CCDC178: variants seen among roughly 807,000 people sequenced by gnomAD.
The protein encoded by CCDC178 is coiled-coil domain-containing protein 178.
CCDC178 carries 126 observed loss-of-function variants against 117.4 expected under a neutral mutation model. The ratio of observed to expected loss-of-function variants is 1.07; its 90% CI spans 0.93 to 1.24. The LOEUF (loss-of-function observed/expected upper bound fraction) is 1.24. CCDC178 is among the 50% of genes most tolerant of loss of function. The pLI is 0.00. For missense variants in CCDC178, 1,030 were observed against 986.9 expected (o/e 1.04, Z -0.59); for synonymous variants, 283 against 313.4 (o/e 0.90, Z 1.02).
chr18:33,250,809 T>A (rs968936280), intron 14 of CCDC178, among the ~76,000 whole-genome samples: 1 of 151,520 alleles, frequency 6.6e-6, no homozygotes, highest in South Asian at 2.1e-4. Context: ...AAAGTCTTAC[T>A]TAGTACTAAA....
intron 21 of CCDC178, among the ~76,000 whole-genome samples, chr18:33,040,614 C>T (rs551279315): frequency 2.0e-4 from 31 of 151,922 alleles, no homozygotes; most frequent in African/African-American, 7.5e-4. Context: ...ATTTTCTGGG[C>T]TAAAACTCCA....
chr18:33,412,937 T>C (rs1350129300), intron 2 of CCDC178, among the ~76,000 whole-genome samples: 2 of 152,144 alleles, frequency 1.3e-5, no homozygotes, highest in Non-Finnish European at 2.9e-5. Context: ...TAAGTAAATA[T>C]CAAATATTTT....
intron 21 of CCDC178, among the ~76,000 whole-genome samples, chr18:32,997,693 A>T (rs1401758833): frequency 6.6e-6 from 1 of 152,092 alleles, no homozygotes; most frequent in Non-Finnish European, 1.5e-5. Flanking sequence ...CATATTATAT[A>T]TTATCTATCT....
At chr18:33,222,764 A>AT (rs1017089833) in intron 18 of CCDC178, among the ~76,000 whole-genome samples, 51 of 143,946 alleles carry the variant, frequency 3.5e-4, no homozygotes, top group Middle Eastern at 3.5e-3. Context: ...CTTCTTCTTC[A>AT]TTTTTTTTTG....
At chr18:32,958,798 G>T (rs1257242988) in intron 22 of CCDC178, among the ~76,000 whole-genome samples, 1 of 152,106 alleles carries the variant, frequency 6.6e-6, no homozygotes, top group Non-Finnish European at 1.5e-5. Context: ...TTTGGTTAAG[G>T]GTTGATTTAT....
At chr18:33,389,494 AATATAGTTT>A (rs762610247) in intron 5 of CCDC178, 37 bp downstream of exon 5, 4 of 885,130 alleles carry the variant, frequency 4.5e-6, no homozygotes, top group Non-Finnish European at 6.5e-6. Flanking sequence ...AGATAATATA[AATATAGTTT>A]ATATAGTTTA....
At chr18:33,361,002 T>C (rs1255255671) in intron 6 of CCDC178, among the ~76,000 whole-genome samples, 3 of 151,314 alleles carry the variant, frequency 2.0e-5, no homozygotes, top group Non-Finnish European at 4.4e-5. Context: ...ATAAAATTAA[T>C]ATAGAGCCAT....
At chr18:33,280,653 C>T (rs1430557400) in intron 12 of CCDC178, among the ~76,000 whole-genome samples, 240 of 152,138 alleles carry the variant, frequency 1.6e-3, no homozygotes, top group African/African-American at 5.4e-3. Context: ...CACATGCACA[C>T]GTATGTTTAT....
chr18:33,173,157 C>T (rs1332507880), intron 20 of CCDC178, among the ~76,000 whole-genome samples: 3 of 152,200 alleles, frequency 2.0e-5, no homozygotes, highest in Middle Eastern at 6.8e-3. Context: ...TGAAGTAATC[C>T]TCCCACCTCA....
At chr18:32,957,960 A>G (rs1036720609) in intron 22 of CCDC178, 2 of 253,810 alleles carry the variant, frequency 7.9e-6, no homozygotes, top group Non-Finnish European at 7.4e-6. Context: ...TGATAAATGA[A>G]GTACCTCTTT....
At chr18:33,219,239 C>G (rs7505090) in intron 18 of CCDC178, among the ~76,000 whole-genome samples, 2,619 of 152,176 alleles carry the variant, frequency 0.017, 35 homozygotes, top group South Asian at 0.065. Flanking sequence ...CCATCTCACA[C>G]CAGTTAGAAT....
chr18:33,207,582 G>A (rs1599000818), intron 20 of CCDC178, among the ~76,000 whole-genome samples: 1 of 150,720 alleles, frequency 6.6e-6, no homozygotes, highest in East Asian at 2.0e-4. Context: ...TGTTCATTGG[G>A]TATTAGCACA....
chr18:33,042,464 T>A (rs1278598021), intron 21 of CCDC178, among the ~76,000 whole-genome samples: 1 of 151,906 alleles, frequency 6.6e-6, no homozygotes, highest in Admixed American at 6.6e-5. Context: ...AGTCAATGTA[T>A]GTACATATGT....
At chr18:33,248,888 G>T (rs4799681) in intron 14 of CCDC178, among the ~76,000 whole-genome samples, 126,321 of 150,952 alleles carry the variant, frequency 0.84, 53,449 homozygotes, top group South Asian at 0.92. Flanking sequence ...CACCAACAGT[G>T]TAAAAGTGTT....
intron 20 of CCDC178, among the ~76,000 whole-genome samples, chr18:33,119,463 T>C (rs1306698707): frequency 6.6e-6 from 1 of 152,056 alleles, no homozygotes; most frequent in Non-Finnish European, 1.5e-5. Context: ...ATCAGAGAAA[T>C]GCAAATCAAA....
chr18:33,437,590 A>T (rs6507029), intron 2 of CCDC178: 122,934 of 152,126 alleles, frequency 0.81, 49,888 homozygotes, highest in East Asian at 1. Context: ...GGAGGCCAGA[A>T]GGTAATGTTC....
intron 20 of CCDC178, among the ~76,000 whole-genome samples, chr18:33,159,282 A>C (rs1246738397): frequency 6.6e-6 from 1 of 152,124 alleles, no homozygotes; most frequent in African/African-American, 2.4e-5. Flanking sequence ...GGAGGAAAAA[A>C]ATGTAAAATC....
chr18:33,432,737 G>A (rs1001896925), intron 2 of CCDC178, among the ~76,000 whole-genome samples: 1 of 152,082 alleles, frequency 6.6e-6, no homozygotes, highest in African/African-American at 2.4e-5. Context: ...TAAGATAAAC[G>A]TCAGAAATAT....
In CCDC178 at chr18:33,418,460, T is replaced by C. The variant is rs144352111; in HGVS notation, c.-22-6350A>G. ...CAAGGATTCCCACTGTCACCACTTC[T>C]ATTCAACATAGTACTGGCAGTCCTG... On this transcript the variant is annotated intron_variant, in intron 2 of 22. Coordinates refer to ENST00000383096, the MANE Select transcript of CCDC178 (RefSeq NM_001105528.4). 1.7e-3 allele frequency among the ~76,000 whole-genome samples: 265 copies of C among 152,272 alleles called. 3 individuals are homozygous for C. Among genetic ancestry groups the C allele is most frequent in the African/African-American group, 5.9e-3 (246 of 41,576 alleles).
Sources: gnomAD v4.1 joint callset for allele counts (sites outside exome capture counted in the v4.1 genomes callset) on GRCh38, gnomAD v4.1.1 for gene constraint, MANE v1.5 for transcripts, NCBI Gene and HGNC (gene_info 2026-07-23, HGNC 2026-07-21) for gene names.